Variants in UBE3A observed in about 807,000 individuals in gnomAD.
The protein encoded by UBE3A is ubiquitin protein ligase E3A.
A neutral mutation model predicts 83.4 loss-of-function variants in UBE3A; 6 were observed. The observed-to-expected ratio is 0.07, with a 90% CI of 0.04 to 0.14. The LOEUF is 0.14. UBE3A is among the 10% of genes least tolerant of loss of function. UBE3A has a pLI of 1.00. For synonymous variants in UBE3A, 337 were observed against 355.4 expected, an observed-to-expected ratio of 0.95 and a Z score of 0.58; for missense variants, 456 against 1,036.1, an observed-to-expected ratio of 0.44 and a Z score of 7.69.
intron 1 of UBE3A, among the ~76,000 whole-genome samples, chr15:25,426,827 AT>A (rs35386735): frequency 8.6e-4 from 126 of 147,076 alleles, no homozygotes; most frequent in Non-Finnish European, 8.4e-4. Flanking sequence ...GCTGGTTATA[AT>A]TTTTTTTTTT....
intron 1 of UBE3A, among the ~76,000 whole-genome samples, chr15:25,414,590 C>T (rs2090545385): frequency 6.6e-6 from 1 of 152,152 alleles, no homozygotes; most frequent in African/African-American, 2.4e-5. Flanking sequence ...ACAAGACACA[C>T]TAAGAAAAAC....
rs1450214076 is a variant in UBE3A, at chr15:25,334,962, G to A, written c.*4175C>T. On this transcript the variant is annotated 3_prime_UTR_variant, in exon 13 of 13. Transcript: ENST00000648336. ...ACTGACAAGATAACAGAAAGATGGA[G>A]GTAATAACATGTGAAAGGCAAAATG... The A allele has an allele frequency of 1.3e-5, 2 of 151,356 alleles. No homozygotes were observed. Among genetic ancestry groups the A allele is most frequent in the Non-Finnish European group, 2.9e-5 (2 of 67,926 alleles). 9.4% of individuals were successfully genotyped at this position (151,356 alleles called of 1,614,324 possible).
chr15:25,430,819 C>A (rs948964692), intron 1 of UBE3A, among the ~76,000 whole-genome samples: 1 of 152,088 alleles, frequency 6.6e-6, no homozygotes, highest in African/African-American at 2.4e-5. Flanking sequence ...CGTGACCAAC[C>A]CATTCTCCAG....
At chr15:25,339,747 T>C (rs1272452416) in intron 12 of UBE3A, 2 of 360,028 alleles carry the variant, frequency 5.6e-6, no homozygotes, top group Non-Finnish European at 1.0e-5. Flanking sequence ...TCTAGCACAA[T>C]CAAATGATAA....
intron 1 of UBE3A, among the ~76,000 whole-genome samples, chr15:25,416,308 T>A (rs35253090): frequency 0.63 from 95,230 of 152,014 alleles, 33,046 homozygotes; most frequent in Non-Finnish European, 0.78. Flanking sequence ...TAAAATGGAA[T>A]ATCACTTCCA....
chr15:25,425,277 AG>A (rs1210988122), intron 1 of UBE3A, among the ~76,000 whole-genome samples: 1 of 152,180 alleles, frequency 6.6e-6, no homozygotes, highest in Non-Finnish European at 1.5e-5. Flanking sequence ...ATAGAGACAA[AG>A]CAGATTAGTG....
chr15:25,387,001 C>T (rs537957188), intron 4 of UBE3A, among the ~76,000 whole-genome samples: 24 of 152,170 alleles, frequency 1.6e-4, no homozygotes, highest in African/African-American at 5.8e-4. Context: ...TAAAATAAAA[C>T]CTTTTATTTT....
At chr15:25,407,901 A>G (rs1211849387) in intron 3 of UBE3A, 2 of 8,982 alleles carry the variant, frequency 2.2e-4, no homozygotes, top group Non-Finnish European at 0.012. Context: ...AATATTATAA[A>G]TAAGTTACCA....
At chr15:25,348,334 G>A (rs1188633582) in intron 11 of UBE3A, among the ~76,000 whole-genome samples, 1 of 152,026 alleles carries the variant, frequency 6.6e-6, no homozygotes, top group African/African-American at 2.4e-5. Flanking sequence ...AAACTCAACA[G>A]TAAAAAACCA....
In UBE3A at chr15:25,395,719, G is replaced by T. The variant is rs28386973; in HGVS notation, c.62+9742C>A. On this transcript the variant is annotated intron_variant, in intron 4 of 12. Coordinates refer to ENST00000648336, the MANE Select transcript of UBE3A (RefSeq NM_130839.5). ...GTTCAGAGGGCAAGAGCTGACGATG[G>T]AAATAGAAGAGTTGTCAATAGACAG... is the stretch of plus-strand genomic sequence containing the variant. 4.3e-3 allele frequency among the ~76,000 whole-genome samples: 659 copies of T among 152,310 alleles called. 2 individuals carry two copies. The highest frequency in any genetic ancestry group is 0.014 in the African/African-American group (584 of 41,562).
chr15:25,362,937 C>T (rs1423881465), intron 6 of UBE3A, among the ~76,000 whole-genome samples: 1 of 152,144 alleles, frequency 6.6e-6, no homozygotes, highest in Non-Finnish European at 1.5e-5. Context: ...ACTGTGCATT[C>T]TACAGCTTTT....
intron 4 of UBE3A, among the ~76,000 whole-genome samples, chr15:25,390,847 C>T (rs2084186075): frequency 6.6e-6 from 1 of 151,864 alleles, no homozygotes; most frequent in East Asian, 1.9e-4. Context: ...GAGATGCACA[C>T]TGGCTATGAG....
chr15:25,343,432 A>T (rs1251738289), intron 11 of UBE3A, among the ~76,000 whole-genome samples: 2 of 152,174 alleles, frequency 1.3e-5, no homozygotes, highest in Non-Finnish European at 2.9e-5. Context: ...AAATAAAAAT[A>T]AGAATACTAA....
intron 1 of UBE3A, among the ~76,000 whole-genome samples, chr15:25,427,041 C>T (rs1449906343): frequency 1.3e-5 from 2 of 152,052 alleles, no homozygotes; most frequent in African/African-American, 2.4e-5. Context: ...TCACCTCTGC[C>T]TTATATTTCC....
rs2075857508 is a variant in UBE3A at position 25,347,431 on chromosome 15, G to C, written c.2354+6922C>G. Among the ~76,000 whole-genome samples, 6 of 152,286 alleles carry C rather than the reference G, an allele frequency of 3.9e-5. 1 individual carries two copies. Among genetic ancestry groups the C allele is most frequent in the Admixed American group, 3.9e-4 (6 of 15,306 alleles). ...AAAAACACATAGAAGGCCAGGCATG[G>C]TGGCTCATGCCTGTAATTCCAGCAC... On this transcript the variant is annotated intron_variant, in intron 11 of 12. Coordinates refer to ENST00000648336, the MANE Select transcript of UBE3A (RefSeq NM_130839.5).
At chr15:25,400,585 T>G (rs1182286694) in intron 4 of UBE3A, among the ~76,000 whole-genome samples, 1 of 152,212 alleles carries the variant, frequency 6.6e-6, no homozygotes, top group African/African-American at 2.4e-5. Context: ...TACATGGAAT[T>G]GTCTTCTTGA....
chr15:25,371,940 T>C lies in UBE3A; in HGVS notation c.362-128A>G. 1.1e-6 allele frequency: 1 copy of C among 946,124 alleles called. No homozygotes were observed. The highest frequency in any genetic ancestry group is 1.5e-6 in the Non-Finnish European group (1 of 651,110). The allele number at this position is 946,124 out of a possible 1,614,324, so 58.6% of individuals were successfully genotyped here. A position where few individuals can be genotyped will look rare whatever the true frequency, so the allele number is the denominator to read the frequency against. ...AATATCATTTATGATATACAACTCT[T>C]AAAGTATCTAATACTTAGATTCAGC... On this transcript the variant is annotated intron_variant, in intron 5 of 12. Coordinates refer to ENST00000648336, the MANE Select transcript of UBE3A (RefSeq NM_130839.5). This position sits in a 1 kb window ranked among gnomAD's most constrained non-coding sequence, Gnocchi z 5.3.
chr15:25,349,838 T>C (rs572523181), intron 11 of UBE3A, among the ~76,000 whole-genome samples: 1 of 152,246 alleles, frequency 6.6e-6, no homozygotes, highest in African/African-American at 2.4e-5. Flanking sequence ...CAACAGTCGA[T>C]CTGATAACCA....
chr15:25,417,070 G>A (rs1379509356), intron 1 of UBE3A, among the ~76,000 whole-genome samples: 1 of 152,086 alleles, frequency 6.6e-6, no homozygotes, highest in African/African-American at 2.4e-5. Flanking sequence ...AGTACTAACT[G>A]TACACGATTA....
Sources: gnomAD v4.1 joint callset for allele counts (sites outside exome capture counted in the v4.1 genomes callset) on GRCh38, gnomAD v4.1.1 for gene constraint, Gnocchi (gnomAD v3.1) non-coding constraint, MANE v1.5 for transcripts, NCBI Gene and HGNC (gene_info 2026-07-23, HGNC 2026-07-21) for gene names.